The following ZNF507 variants were observed in gnomAD, a reference collection of about 807,000 sequenced individuals.
The protein encoded by ZNF507 is zinc finger protein 507.
ZNF507 carries 29 observed loss-of-function variants against 80.0 expected under a neutral mutation model. The ratio of observed to expected loss-of-function variants is 0.36; its 90% CI spans 0.27 to 0.49. The LOEUF (loss-of-function observed/expected upper bound fraction) is 0.49, where lower values mean the gene tolerates loss of function less well. Ranked by LOEUF, ZNF507 falls within the 20% of genes least tolerant of loss-of-function variation. ZNF507 has a pLI of 0.98. For synonymous variants in ZNF507, 462 were observed against 422.5 expected, an observed-to-expected ratio of 1.09 and a Z score of -1.15; for missense variants, 1,081 against 1,152.2, an observed-to-expected ratio of 0.94 and a Z score of 0.90.
intron 5 of ZNF507, among the ~76,000 whole-genome samples, chr19:32,369,703 A>G (rs763155323): frequency 1.3e-5 from 2 of 152,170 alleles, no homozygotes; most frequent in African/African-American, 2.4e-5. Context: ...AGATGTAGAT[A>G]GTAAAATGGT....
Position 32,354,513 on chromosome 19 carries a change from C to A in ZNF507, c.1683C>A (p.Asn561Lys), listed in dbSNP as rs147393505. 37 of 1,614,106 alleles carry A rather than the reference C, an allele frequency of 2.3e-5. No individual in the cohort carries two copies. The highest frequency in any genetic ancestry group is 3.1e-5 in the Non-Finnish European group (36 of 1,180,050). Reference protein sequence around the residue: ...SDGLTSLNQSNSTLVALPEGR... With the variant: ...SDGLTSLNQSKSTLVALPEGR... ...GATTAACTAGTCTTAACCAAAGCAACTCCACCTTGGTAGCACTCCCAGAGG... is the reference window on the plus strand; with the variant it reads ...GATTAACTAGTCTTAACCAAAGCAAATCCACCTTGGTAGCACTCCCAGAGG... The change falls in exon 3 of 7, where the codon AAC becomes AAA. Residue 561 changes from asparagine (N) to lysine (K), a missense_variant. Transcript: ENST00000355898.
At chr19:32,346,356 G>T (rs957966457) in intron 1 of ZNF507, among the ~76,000 whole-genome samples, 1 of 152,214 alleles carries the variant, frequency 6.6e-6, no homozygotes, top group Non-Finnish European at 1.5e-5. Flanking sequence ...TGAATGGTTT[G>T]TGTAGAAGGC....
At chr19:32,373,630 C>T (rs1316493418) in intron 5 of ZNF507, among the ~76,000 whole-genome samples, 2 of 152,234 alleles carry the variant, frequency 1.3e-5, no homozygotes. Flanking sequence ...TCAGGAACTA[C>T]ATACCTCGTC....
At chr19:32,348,702 A>G (rs1427297583) in intron 2 of ZNF507, among the ~76,000 whole-genome samples, 3 of 152,202 alleles carry the variant, frequency 2.0e-5, no homozygotes, top group Non-Finnish European at 4.4e-5. Context: ...ATTGGTAACA[A>G]TTTAATATAT....
chr19:32,353,985 C>T lies in ZNF507; in HGVS notation c.1155C>T (p.Ile385=). 2 of 1,614,152 alleles carry T rather than the reference C, an allele frequency of 1.2e-6. No individual in the cohort carries two copies. The highest frequency in any genetic ancestry group is 1.7e-6 in the Non-Finnish European group (2 of 1,180,042). ...DSLLTSAQKI[I]SSSPNKKGHV... ...TGCTTACATCAGCACAGAAAATCAT[C>T]AGCAGCAGCCCCAATAAAAAAGGGC... is the stretch of plus-strand genomic sequence containing the variant. The change falls in exon 3 of 7, where the codon ATC becomes ATT. Residue 385 remains isoleucine, a synonymous_variant. Coordinates refer to ENST00000355898, the MANE Select transcript of ZNF507 (RefSeq NM_001136156.2).
At chr19:32,350,746 C>T (rs1223307514) in intron 2 of ZNF507, among the ~76,000 whole-genome samples, 1 of 152,100 alleles carries the variant, frequency 6.6e-6, no homozygotes, top group Non-Finnish European at 1.5e-5. Context: ...GGGAAGGAGA[C>T]CTTAGATCTA....
At chr19:32,355,183 C>T (rs74826402) in intron 3 of ZNF507, among the ~76,000 whole-genome samples, 2,154 of 152,170 alleles carry the variant, frequency 0.014, 47 homozygotes, top group African/African-American at 0.049. Context: ...CCTTGACAGC[C>T]TCTGTGTTTT....
At chr19:32,360,196 T>A (rs1011683105) in intron 4 of ZNF507, among the ~76,000 whole-genome samples, 2 of 152,240 alleles carry the variant, frequency 1.3e-5, no homozygotes, top group Non-Finnish European at 2.9e-5. Flanking sequence ...AGGGTGTCTC[T>A]GATTAATTTA....
rs138138519 is a variant in ZNF507, at chr19:32,360,528, A to G, written c.2270A>G (p.Gln757Arg). The G allele has an allele frequency of 1.3e-6, 2 of 1,587,704 alleles. No individual in the cohort carries two copies. The highest frequency in any genetic ancestry group is 1.4e-5 in the African/African-American group (1 of 73,822). The change falls in exon 5 of 7, where the codon CAA becomes CGA. Residue 757 changes from glutamine (Q) to arginine (R), a missense_variant. Physicochemically the swap from Gln to Arg is conservative, Grantham distance 43. Around this residue, in one of 6 missense-constraint regions of ZNF507, gnomAD observed 40 missense variants for 52.4 expected, o/e 0.76. Transcript: ENST00000355898. Reference protein sequence around the residue: ...QEGNKSSVQKQYRCDVCDYTS... With the variant: ...QEGNKSSVQKRYRCDVCDYTS... ...GGGAATAAGTCTTCAGTCCAGAAAC[A>G]ATATAGATGTGATGTGTGTGATTAT...
Position 32,387,313 on chromosome 19 carries a change from C to G in ZNF507, c.*4230C>G, listed in dbSNP as rs1439354172. 2 of 152,146 alleles carry G rather than the reference C, an allele frequency of 1.3e-5. No homozygotes were observed. The highest frequency in any genetic ancestry group is 2.4e-5 in the African/African-American group (1 of 41,404). 9.4% of individuals were successfully genotyped at this position (152,146 alleles called of 1,614,324 possible). ...TTTGTTGCATTGACGAAGCTAACAT[C>G]ATCTGACTGTATCGTGGGTCTGGTT... On this transcript the variant is annotated 3_prime_UTR_variant, in exon 7 of 7. Transcript: ENST00000355898.
At chr19:32,380,539 T>C in intron 5 of ZNF507, 1 of 1,471,096 alleles carries the variant, frequency 6.8e-7, no homozygotes, top group Non-Finnish European at 9.2e-7. Context: ...TTTAATTGTT[T>C]TATTTACTCC....
intron 3 of ZNF507, among the ~76,000 whole-genome samples, chr19:32,355,533 C>CT (rs555275321): frequency 2.0e-5 from 3 of 152,132 alleles, no homozygotes; most frequent in Admixed American, 6.5e-5. Flanking sequence ...TTTTGACTGT[C>CT]TGATTTTTAT....
At chr19:32,378,740 T>C (rs1353679936) in intron 5 of ZNF507, among the ~76,000 whole-genome samples, 2 of 152,116 alleles carry the variant, frequency 1.3e-5, no homozygotes, top group East Asian at 1.9e-4. Flanking sequence ...TAGGATCAAT[T>C]TGAGATTTCT....
chr19:32,353,527 G>C lies in ZNF507; in HGVS notation c.697G>C (p.Glu233Gln), dbSNP rs1319790728. ...TACTGTCCAAACTGCATCTGTGGCA[G>C]AAATGGGTAGGAGGAAATGGTATGC... ...THTVQTASVA[E>Q]MGRRKWYAYE... The change falls in exon 3 of 7, where the codon GAA (glutamate) becomes CAA (glutamine). Residue 233 changes from glutamate to glutamine, a missense_variant. Glu to Gln is a conservative substitution (Grantham distance 29, BLOSUM62 2). Coordinates refer to ENST00000355898, the MANE Select transcript of ZNF507 (RefSeq NM_001136156.2). The C allele has an allele frequency of 6.2e-7, 1 of 1,614,108 alleles. No homozygotes were observed. The highest frequency in any genetic ancestry group is 1.3e-5 in the African/African-American group (1 of 74,936).
intron 5 of ZNF507, chr19:32,382,118 A>C (rs1163333867): frequency 2.2e-5 from 4 of 180,776 alleles, no homozygotes; most frequent in Admixed American, 1.8e-4. Flanking sequence ...TAATTGTGTA[A>C]GTTTTTCTTT....
chr19:32,377,992 C>T (rs922794551), intron 5 of ZNF507, among the ~76,000 whole-genome samples: 2 of 152,098 alleles, frequency 1.3e-5, no homozygotes, highest in Non-Finnish European at 2.9e-5. Context: ...AGCAGACAGC[C>T]CCAACCTGAG....
chr19:32,375,402 C>T (rs1967533148), intron 5 of ZNF507, among the ~76,000 whole-genome samples: 1 of 152,168 alleles, frequency 6.6e-6, no homozygotes, highest in African/African-American at 2.4e-5. Context: ...ACATGAAGGA[C>T]ACAGGGACGT....
intron 5 of ZNF507, among the ~76,000 whole-genome samples, chr19:32,371,442 C>T (rs1023833364): frequency 6.9e-6 from 1 of 145,278 alleles, no homozygotes; most frequent in Admixed American, 6.9e-5. Context: ...TGCACCATTG[C>T]ACTCCAGCCT....
intron 5 of ZNF507, among the ~76,000 whole-genome samples, chr19:32,378,406 A>T (rs1355579646): frequency 6.6e-6 from 1 of 152,072 alleles, no homozygotes; most frequent in African/African-American, 2.4e-5. Flanking sequence ...TCTTAAGGAG[A>T]CGTGAGGACT....
Sources: allele counts gnomAD v4.1 joint callset (sites outside exome capture counted in the v4.1 genomes callset), GRCh38; gene constraint gnomAD v4.1.1; regional missense constraint gnomAD v4.1.1; transcripts MANE v1.5; gene names NCBI Gene and HGNC (gene_info 2026-07-23, HGNC 2026-07-21).